Variants in CDH13 observed in about 807,000 individuals in gnomAD.
CDH13 encodes cadherin-13.
Under a neutral mutation model 63.8 loss-of-function variants are expected in CDH13, and 24 were observed. That is an observed-to-expected ratio of 0.38 (90% confidence interval 0.27 to 0.53). CDH13 has a LOEUF of 0.53. Among genes scored for constraint, CDH13 ranks in the 20% least tolerant of loss-of-function variants. CDH13 has a pLI of 0.85. For missense variants in CDH13, 1,049 were observed against 903.1 expected (o/e 1.16, Z -2.07); for synonymous variants, 503 against 355.3 (o/e 1.42, Z -4.67).
chr16:83,532,859 C>T (rs553192652), intron 7 of CDH13, among the ~76,000 whole-genome samples: 9 of 152,312 alleles, frequency 5.9e-5, no homozygotes, highest in Admixed American at 2.0e-4. Flanking sequence ...GCCAACATCC[C>T]GGCAGACGGA....
At chr16:83,214,563 G>C (rs1231757466) in intron 4 of CDH13, among the ~76,000 whole-genome samples, 1 of 102,812 alleles carries the variant, frequency 9.7e-6, no homozygotes, top group Non-Finnish European at 1.8e-5. Context: ...CTGGGTGACA[G>C]AGTGAGACTC....
intron 4 of CDH13, among the ~76,000 whole-genome samples, chr16:83,147,107 G>T (rs1240439242): frequency 5.3e-5 from 8 of 152,138 alleles, no homozygotes; most frequent in African/African-American, 1.9e-4. Flanking sequence ...GCCCATGGAG[G>T]CTGCACTCCA....
At chr16:83,327,240 A>G (rs74034150) in intron 5 of CDH13, among the ~76,000 whole-genome samples, 1,588 of 152,358 alleles carry the variant, frequency 0.01, 25 homozygotes, top group African/African-American at 0.036. Flanking sequence ...CTGCCACACA[A>G]TGAATAATCC....
intron 2 of CDH13, among the ~76,000 whole-genome samples, chr16:83,023,850 TTTTCTCCA>T (rs1457075921): frequency 6.6e-6 from 1 of 152,194 alleles, no homozygotes. Flanking sequence ...GTAGAGTCTG[TTTTCTCCA>T]GGAGAAAGAA....
chr16:83,240,840 G>A (rs1246867240), intron 5 of CDH13, among the ~76,000 whole-genome samples: 1 of 148,426 alleles, frequency 6.7e-6, no homozygotes, highest in Admixed American at 6.9e-5. Context: ...GGGCCTACAG[G>A]TGTGGACCTC....
chr16:83,165,040 G>A (rs935361694), intron 4 of CDH13, among the ~76,000 whole-genome samples: 1 of 149,380 alleles, frequency 6.7e-6, no homozygotes, highest in Non-Finnish European at 1.5e-5. Flanking sequence ...CCCAGCCCAC[G>A]CTCTGATCAC....
intron 2 of CDH13, among the ~76,000 whole-genome samples, chr16:82,883,648 G>A (rs185354830): frequency 9.2e-5 from 14 of 152,268 alleles, no homozygotes; most frequent in Admixed American, 9.2e-4. Flanking sequence ...TCATCTCTAC[G>A]AGGGAGTCAT....
At chr16:82,874,071 C>A (rs1020172501) in intron 2 of CDH13, among the ~76,000 whole-genome samples, 1 of 152,060 alleles carries the variant, frequency 6.6e-6, no homozygotes, top group Non-Finnish European at 1.5e-5. Context: ...TTGTATTACA[C>A]GATTCTACGA....
At chr16:83,663,748 G>C (rs1008845922) in intron 8 of CDH13, among the ~76,000 whole-genome samples, 2 of 152,108 alleles carry the variant, frequency 1.3e-5, no homozygotes, top group Non-Finnish European at 2.9e-5. Flanking sequence ...CTCACCTCTA[G>C]CATCTGATTT....
chr16:83,290,887 T>C (rs2089450262), intron 5 of CDH13, among the ~76,000 whole-genome samples: 1 of 152,170 alleles, frequency 6.6e-6, no homozygotes, highest in Non-Finnish European at 1.5e-5. Flanking sequence ...GAATGTTTTT[T>C]TCCCATCTCT....
At chr16:82,711,112 C>G (rs544820655) in intron 1 of CDH13, among the ~76,000 whole-genome samples, 11 of 152,046 alleles carry the variant, frequency 7.2e-5, no homozygotes, top group Non-Finnish European at 1.0e-4. Context: ...GTTTCTACGT[C>G]TTTCTCAGGG....
rs551400222 is a variant in CDH13 at position 83,378,277 on chromosome 16, C to T, written c.781+33271C>T. On this transcript the variant is annotated intron_variant, in intron 6 of 13. Coordinates refer to ENST00000567109, the MANE Select transcript of CDH13 (RefSeq NM_001257.5). ...TCTTGATGCCTTGCCCTGAAACACA[C>T]AGACTAGGAGTGGGAGAGCTGTAAC... Among the ~76,000 whole-genome samples the T allele has an allele frequency of 2.0e-5, 3 of 152,302 alleles. No individual in the cohort carries two copies. In the South Asian group the frequency reaches 6.2e-4, roughly 32 times the overall value.
At chr16:83,094,189 G>A (rs1490037654) in intron 3 of CDH13, among the ~76,000 whole-genome samples, 2 of 152,160 alleles carry the variant, frequency 1.3e-5, no homozygotes, top group African/African-American at 4.8e-5. Flanking sequence ...AAGCTCCCAG[G>A]CAAGGCCAAC....
chr16:83,319,086 A>G (rs1262674018), intron 5 of CDH13, among the ~76,000 whole-genome samples: 1 of 151,950 alleles, frequency 6.6e-6, no homozygotes, highest in African/African-American at 2.4e-5. Context: ...AAGCTTAGGC[A>G]TGGGTTGAAG....
intron 1 of CDH13, among the ~76,000 whole-genome samples, chr16:82,820,137 T>C: frequency 6.6e-6 from 1 of 152,130 alleles, no homozygotes; most frequent in East Asian, 1.9e-4. Flanking sequence ...ATATCTGCAA[T>C]GTGGGGAAGT....
At chr16:83,325,813 C>T (rs545100314) in intron 5 of CDH13, among the ~76,000 whole-genome samples, 2 of 152,280 alleles carry the variant, frequency 1.3e-5, no homozygotes, top group South Asian at 2.1e-4. Flanking sequence ...ATTAAACACA[C>T]TCTATCTCAT....
intron 7 of CDH13, among the ~76,000 whole-genome samples, chr16:83,512,930 A>G (rs1484190067): frequency 6.6e-6 from 1 of 152,012 alleles, no homozygotes; most frequent in East Asian, 1.9e-4. Flanking sequence ...CTAAAATTTG[A>G]GAACCTCTGA....
chr16:83,230,718 T>G (rs1375009269), intron 5 of CDH13, among the ~76,000 whole-genome samples: 1 of 151,642 alleles, frequency 6.6e-6, no homozygotes, highest in South Asian at 2.1e-4. Flanking sequence ...ACCCAGGAGG[T>G]GGAGGTAGTG....
intron 7 of CDH13, among the ~76,000 whole-genome samples, chr16:83,499,167 C>G (rs1182351232): frequency 3.3e-5 from 5 of 152,172 alleles, no homozygotes; most frequent in Non-Finnish European, 5.9e-5. Context: ...TGGTATATTC[C>G]TACACTGGTA....
Sources: allele counts gnomAD v4.1 joint callset (sites outside exome capture counted in the v4.1 genomes callset), GRCh38; gene constraint gnomAD v4.1.1; transcripts MANE v1.5; gene names NCBI Gene and HGNC (gene_info 2026-07-23, HGNC 2026-07-21).